The following UST variants were observed in gnomAD, a reference collection of about 807,000 sequenced individuals.
UST encodes uronyl 2-sulfotransferase.
In UST, 21 loss-of-function variants were observed where a neutral mutation model predicts 45.6. That is an observed-to-expected ratio of 0.46 (90% CI 0.33 to 0.66). The LOEUF is 0.66. UST is among the 30% of genes least tolerant of loss of function. The pLI is 0.02. For missense variants in UST, 463 were observed against 512.4 expected, an observed-to-expected ratio of 0.90 and a Z score of 0.93; for synonymous variants, 215 against 200.6, an observed-to-expected ratio of 1.07 and a Z score of -0.61.
intron 1 of UST, among the ~76,000 whole-genome samples, chr6:148,860,977 C>A (rs1273970518): frequency 6.6e-6 from 1 of 152,110 alleles, no homozygotes; most frequent in Admixed American, 6.5e-5. Flanking sequence ...TGTGTCTCTG[C>A]CCGGCTTTGG....
chr6:148,981,452 C>T (rs1223315558), intron 5 of UST, among the ~76,000 whole-genome samples: 1 of 152,176 alleles, frequency 6.6e-6, no homozygotes. Context: ...TTAGTCCTTC[C>T]CAGCCTGACT....
chr6:148,960,308 C>T (rs1343491370), intron 4 of UST, among the ~76,000 whole-genome samples: 1 of 152,134 alleles, frequency 6.6e-6, no homozygotes, highest in Non-Finnish European at 1.5e-5. Flanking sequence ...ACAGCCAGCT[C>T]TACCCCTCTC....
intron 1 of UST, among the ~76,000 whole-genome samples, chr6:148,822,497 G>A (rs1349788103): frequency 2.6e-5 from 4 of 152,122 alleles, no homozygotes; most frequent in Non-Finnish European, 4.4e-5. Context: ...TGAAACTGAA[G>A]TAAGGAGAGA....
intron 1 of UST, among the ~76,000 whole-genome samples, chr6:148,763,336 C>G (rs1174450024): frequency 6.6e-6 from 1 of 152,080 alleles, no homozygotes; most frequent in Non-Finnish European, 1.5e-5. Flanking sequence ...ATGTCCTTTG[C>G]CCACTTTTTA....
intron 7 of UST, among the ~76,000 whole-genome samples, chr6:149,027,072 C>CT (rs1213587496): frequency 2.0e-3 from 285 of 145,514 alleles, no homozygotes; most frequent in East Asian, 4.9e-3. Flanking sequence ...AAATATTATG[C>CT]TTTTTTTTTT....
At chr6:148,971,988 C>T (rs1434189603) in intron 5 of UST, among the ~76,000 whole-genome samples, 4 of 152,172 alleles carry the variant, frequency 2.6e-5, no homozygotes, top group Non-Finnish European at 5.9e-5. Context: ...GGACATCAAC[C>T]ATGTGCAAAG....
rs895580692 is a variant in UST, at chr6:149,074,265, G to A, written c.*149G>A. ...ATGTTGGGGTCATTGGGAGATGCCC[G>A]GTTTTGCGGGTTTTATTTGTTTAAT... On this transcript the variant is annotated 3_prime_UTR_variant, in exon 8 of 8. Transcript: ENST00000367463. 1.7e-5 allele frequency: 14 copies of A among 817,028 alleles called. No individual in the cohort carries two copies. Among genetic ancestry groups the A allele is most frequent in the African/African-American group, 3.5e-5 (2 of 57,666 alleles). The allele number at this position is 817,028 out of a possible 1,614,324, so 50.6% of individuals were successfully genotyped here.
At chr6:149,021,180 G>C in intron 6 of UST, 144 bp from the exon 7 acceptor site, 1 of 838,256 alleles carries the variant, frequency 1.2e-6, no homozygotes, top group East Asian at 2.7e-5. Flanking sequence ...CCCTGGATGG[G>C]GCTACATCTG....
At position 148,785,862 on chromosome 6, in the gene UST, T is replaced by C. The variant is rs192022010; in HGVS notation, c.247+38185T>C. Among the ~76,000 whole-genome samples the C allele has an allele frequency of 1.1e-3, 171 of 152,356 alleles. 1 individual carries two copies. Among genetic ancestry groups the C allele is most frequent in the African/African-American group, 3.6e-3 (149 of 41,592 alleles). ...CCTTAAAATATACATTTACTCATTA[T>C]TGATCCCTTGCTTATAAAAAATGTA... On this transcript the variant is annotated intron_variant, in intron 1 of 7. Coordinates refer to ENST00000367463, the MANE Select transcript of UST (RefSeq NM_005715.3).
At chr6:148,782,037 A>G (rs1219092360) in intron 1 of UST, among the ~76,000 whole-genome samples, 2 of 152,232 alleles carry the variant, frequency 1.3e-5, no homozygotes, top group Non-Finnish European at 2.9e-5. Context: ...TCTGCAGCCC[A>G]TGGATCAAGG....
intron 1 of UST, among the ~76,000 whole-genome samples, chr6:148,797,324 C>G (rs565603864): frequency 1.3e-5 from 2 of 152,236 alleles, no homozygotes; most frequent in Admixed American, 6.5e-5. Flanking sequence ...CAAACAAACC[C>G]CACAAAACAA....
chr6:148,872,332 G>A (rs190162298), intron 1 of UST, among the ~76,000 whole-genome samples: 19 of 152,230 alleles, frequency 1.2e-4, no homozygotes, highest in Admixed American at 4.6e-4. Flanking sequence ...AACTTTCACC[G>A]CATATTTTTA....
intron 7 of UST, among the ~76,000 whole-genome samples, chr6:149,024,532 G>C (rs563511807): frequency 6.6e-6 from 1 of 151,622 alleles, no homozygotes; most frequent in Non-Finnish European, 1.5e-5. Context: ...GTCCCCTGAG[G>C]CAGAGGACAA....
chr6:148,747,293 G>A lies in UST; in HGVS notation c.-138G>A. Reference sequence around the variant, plus strand: ...AAAGTCTCCTGAGCCCGGCAACTTCGGCCCCTCCCCGCCCCCACCCGGCTG... The same window carrying A: ...AAAGTCTCCTGAGCCCGGCAACTTCAGCCCCTCCCCGCCCCCACCCGGCTG... On this transcript the variant is annotated 5_prime_UTR_variant, in exon 1 of 8. Transcript: ENST00000367463. 9.3e-7 allele frequency: 1 copy of A among 1,072,814 alleles called. No individual in the cohort carries two copies. Among genetic ancestry groups the A allele is most frequent in the Non-Finnish European group, 1.2e-6 (1 of 825,158 alleles). The allele number at this position is 1,072,814 out of a possible 1,614,324, so 66.5% of individuals were successfully genotyped here. A position where few individuals can be genotyped will look rare whatever the true frequency, so the allele number is the denominator to read the frequency against.
intron 5 of UST, among the ~76,000 whole-genome samples, chr6:148,999,546 C>G (rs2486397): frequency 0.92 from 140,248 of 152,336 alleles, 64,940 homozygotes; most frequent in Non-Finnish European, 0.95. Context: ...TTAAGACAAA[C>G]TCACTGCTAT....
chr6:149,043,443 T>C (rs1776356075), intron 7 of UST, among the ~76,000 whole-genome samples: 1 of 152,222 alleles, frequency 6.6e-6, no homozygotes, highest in African/African-American at 2.4e-5. Context: ...AATTTCATAT[T>C]CCTGCTTTTT....
chr6:148,810,460 T>G (rs1044950409), intron 1 of UST, among the ~76,000 whole-genome samples: 1 of 152,354 alleles, frequency 6.6e-6, no homozygotes, highest in African/African-American at 2.4e-5. Flanking sequence ...TATTTCCGTT[T>G]CTATTACTTA....
rs575839051 is a variant in UST, at chr6:148,913,293, G to A, written c.291+26264G>A. ...GATGTTCTGACTGTGCATCGGAAGG[G>A]TAGCTTGAAGAATGCCTTTATTTTA... On this transcript the variant is annotated intron_variant, in intron 2 of 7. Transcript: ENST00000367463. Among the ~76,000 whole-genome samples the A allele has an allele frequency of 3.9e-5, 6 of 152,246 alleles. No homozygotes were observed. In the South Asian group the frequency reaches 1.2e-3, roughly 32 times the overall value.
At chr6:149,019,073 T>C in intron 5 of UST, 66 bp from the exon 6 acceptor site, 1 of 1,160,976 alleles carries the variant, frequency 8.6e-7, no homozygotes, top group Non-Finnish European at 1.3e-6. Context: ...TTACTTAAAC[T>C]GTGTGGCATT....
Sources: gnomAD v4.1 joint callset for allele counts (sites outside exome capture counted in the v4.1 genomes callset) on GRCh38, gnomAD v4.1.1 for gene constraint, MANE v1.5 for transcripts, NCBI Gene and HGNC (gene_info 2026-07-23, HGNC 2026-07-21) for gene names.